RCAN1: variants seen among roughly 807,000 people sequenced by gnomAD.
RCAN1 encodes the protein calcipressin-1.
Under a neutral mutation model 22.9 loss-of-function variants are expected in RCAN1, and 11 were observed. The observed-to-expected ratio is 0.48, with a 90% CI of 0.30 to 0.79. RCAN1 has a LOEUF of 0.79. Ranked by LOEUF, RCAN1 falls within the 30% of genes least tolerant of loss-of-function variation. The pLI is 0.06. For missense variants in RCAN1, 291 were observed against 337.8 expected (o/e 0.86, Z 1.09); for synonymous variants, 136 against 142.3 (o/e 0.96, Z 0.32).
At chr21:34,612,267 G>C (rs1410515860) in intron 1 of RCAN1, among the ~76,000 whole-genome samples, 1 of 152,180 alleles carries the variant, frequency 6.6e-6, no homozygotes, top group Non-Finnish European at 1.5e-5. Context: ...GCCCCAGGGG[G>C]ATGTTTTCTG....
chr21:34,607,237 T>A lies in RCAN1; in HGVS notation c.252+7523A>T, dbSNP rs142030519. On this transcript the variant is annotated intron_variant, in intron 1 of 3. Coordinates refer to ENST00000313806, the MANE Select transcript of RCAN1 (RefSeq NM_004414.7). ...CAGAAACTTAGTAACCTAGCTATAG[T>A]CCTCTCAATGAAGTGTTCCATGTTA... Among the ~76,000 whole-genome samples, 1,269 of 152,322 alleles carry A rather than the reference T, an allele frequency of 8.3e-3. 15 individuals are homozygous for A. Among genetic ancestry groups the A allele is most frequent in the African/African-American group, 0.029 (1,194 of 41,574 alleles).
intron 1 of RCAN1, among the ~76,000 whole-genome samples, chr21:34,601,158 T>C (rs955942009): frequency 6.6e-6 from 1 of 152,246 alleles, no homozygotes; most frequent in African/African-American, 2.4e-5. Context: ...GCCTACTATG[T>C]GGCAGGCACT....
intron 1 of RCAN1, among the ~76,000 whole-genome samples, chr21:34,597,909 C>G (rs1343155362): frequency 6.6e-6 from 1 of 152,072 alleles, no homozygotes; most frequent in Admixed American, 6.6e-5. Context: ...TTAAAAATCC[C>G]ATTTTTAAAT....
At chr21:34,530,082 T>C (rs1010403346) in intron 1 of RCAN1, among the ~76,000 whole-genome samples, 1 of 152,230 alleles carries the variant, frequency 6.6e-6, no homozygotes, top group Non-Finnish European at 1.5e-5. Context: ...CTTGTCTTTA[T>C]CAGCAGTGTG....
intron 1 of RCAN1, among the ~76,000 whole-genome samples, chr21:34,563,942 G>T (rs1338574396): frequency 6.6e-6 from 1 of 151,082 alleles, no homozygotes; most frequent in African/African-American, 2.4e-5. Flanking sequence ...CTCTAGCGTG[G>T]GCGACAGAGT....
At chr21:34,560,778 C>T (rs559912555) in intron 1 of RCAN1, among the ~76,000 whole-genome samples, 32 of 152,224 alleles carry the variant, frequency 2.1e-4, no homozygotes, top group African/African-American at 7.5e-4. Flanking sequence ...ACAGTAAGAG[C>T]CTGGGGGAAG....
intron 1 of RCAN1, among the ~76,000 whole-genome samples, chr21:34,527,855 A>T (rs568331148): frequency 0.018 from 713 of 40,070 alleles, 4 homozygotes; most frequent in South Asian, 0.02. Flanking sequence ...AACTAAATGT[A>T]AAAAAAAAAA....
At chr21:34,569,082 G>A (rs1451097780) in intron 1 of RCAN1, among the ~76,000 whole-genome samples, 1 of 152,224 alleles carries the variant, frequency 6.6e-6, no homozygotes, top group Non-Finnish European at 1.5e-5. Context: ...TCTCCCACCA[G>A]GTCCCTCCCA....
chr21:34,610,532 C>G (rs1053502430), intron 1 of RCAN1, among the ~76,000 whole-genome samples: 1 of 152,198 alleles, frequency 6.6e-6, no homozygotes, highest in African/African-American at 2.4e-5. Flanking sequence ...AGTCATCTAG[C>G]TAGAAGTGGA....
chr21:34,598,042 G>A (rs1445945666), intron 1 of RCAN1, among the ~76,000 whole-genome samples: 1 of 152,140 alleles, frequency 6.6e-6, no homozygotes, highest in Non-Finnish European at 1.5e-5. Flanking sequence ...AGAAAAGATG[G>A]CTTACATAAG....
chr21:34,557,794 A>G (rs1190588126), intron 1 of RCAN1, among the ~76,000 whole-genome samples: 1 of 152,194 alleles, frequency 6.6e-6, no homozygotes, highest in African/African-American at 2.4e-5. Context: ...ATGATGAGAA[A>G]TAGCAGCGAT....
chr21:34,586,413 G>A (rs79396190), intron 1 of RCAN1, among the ~76,000 whole-genome samples: 2,233 of 151,634 alleles, frequency 0.015, 52 homozygotes, highest in East Asian at 0.092. Context: ...AAATGTTTAT[G>A]AACAAAGTGA....
chr21:34,603,949 A>G (rs949893243), intron 1 of RCAN1, among the ~76,000 whole-genome samples: 1 of 152,248 alleles, frequency 6.6e-6, no homozygotes, highest in Non-Finnish European at 1.5e-5. Flanking sequence ...GATGACAGGC[A>G]TAAGCCAGGA....
At chr21:34,527,261 C>T (rs1045362508) in intron 1 of RCAN1, among the ~76,000 whole-genome samples, 3 of 152,116 alleles carry the variant, frequency 2.0e-5, no homozygotes, top group African/African-American at 7.2e-5. Context: ...AATTTCAAGG[C>T]TTTGGGAAAC....
chr21:34,542,190 C>A (rs1293968416), intron 1 of RCAN1, among the ~76,000 whole-genome samples: 3 of 152,160 alleles, frequency 2.0e-5, no homozygotes, highest in Non-Finnish European at 4.4e-5. Flanking sequence ...GGCTGCAACA[C>A]TGTCTCCTAC....
At chr21:34,567,998 G>A (rs1461990250) in intron 1 of RCAN1, among the ~76,000 whole-genome samples, 4 of 152,212 alleles carry the variant, frequency 2.6e-5, no homozygotes, top group Non-Finnish European at 5.9e-5. Context: ...CACAGAAGGG[G>A]CTCGGCTCTG....
chr21:34,606,227 T>A (rs1405146815), intron 1 of RCAN1, among the ~76,000 whole-genome samples: 1 of 152,102 alleles, frequency 6.6e-6, no homozygotes, highest in Admixed American at 6.5e-5. Flanking sequence ...CCGGGCACAG[T>A]GACCTTTTTC....
chr21:34,542,304 T>C (rs1985946222), intron 1 of RCAN1, among the ~76,000 whole-genome samples: 2 of 152,164 alleles, frequency 1.3e-5, no homozygotes, highest in South Asian at 2.1e-4. Flanking sequence ...AGTGACACTA[T>C]ATGGTGGAAA....
chr21:34,521,091 A>G, intron 3 of RCAN1: 1 of 1,260,882 alleles, frequency 7.9e-7, no homozygotes, highest in East Asian at 3.2e-5. Flanking sequence ...GGGAGAATTT[A>G]TTTTGATTAA....
Sources: allele counts gnomAD v4.1 joint callset (sites outside exome capture counted in the v4.1 genomes callset), GRCh38; gene constraint gnomAD v4.1.1; transcripts MANE v1.5; gene names NCBI Gene and HGNC (gene_info 2026-07-23, HGNC 2026-07-21).